Variants in ZNF433 observed in about 807,000 individuals in gnomAD.
The protein encoded by ZNF433 is zinc finger protein 433.
Under a neutral mutation model 10.6 loss-of-function variants are expected in ZNF433, and 12 were observed. That is an observed-to-expected ratio of 1.13 (90% CI 0.72 to 1.83). The LOEUF is 1.83. Among genes scored for constraint, ZNF433 ranks in the 40% most tolerant of loss-of-function variants. The probability of loss-of-function intolerance (pLI) is 0.00; values close to 1 mark genes in which losing one functional copy is unlikely to be tolerated. For missense variants in ZNF433, 737 were observed against 798.0 expected, an observed-to-expected ratio of 0.92 and a Z score of 0.92; for synonymous variants, 272 against 271.3, an observed-to-expected ratio of 1.00 and a Z score of -0.02.
chr19:12,035,121 A>G (rs960552643), intron 1 of ZNF433, among the ~76,000 whole-genome samples: 5 of 152,190 alleles, frequency 3.3e-5, no homozygotes, highest in South Asian at 2.1e-4. Flanking sequence ...AAGCAAAACT[A>G]TAATTGTTAA....
At chr19:12,030,037 G>A (rs992545864) in intron 1 of ZNF433, 15 of 246,906 alleles carry the variant, frequency 6.1e-5, no homozygotes, top group Admixed American at 2.7e-4. Context: ...AGCCGAGATC[G>A]CACCACTGCA....
Position 12,016,586 on chromosome 19 carries a change from A to C in ZNF433, c.272T>G (p.Leu91Arg). Residue 91 changes from leucine to arginine, a missense_variant, in exon 4 of 4, where the codon CTG (leucine) becomes CGG (arginine). Physicochemically the swap from Leu to Arg is moderately radical, Grantham distance 102 (BLOSUM62 -2). Transcript: ENST00000550507. Reference protein sequence around the residue: ...EILTQVPDDMLKKTTTGVKSC... With the variant: ...EILTQVPDDMRKKTTTGVKSC... ...TTTTACTCCAGTAGTTGTTTTCTTC[A>C]GCATGTCATCTGGAACCTGGGTCAA... 6.2e-7 allele frequency: 1 copy of C among 1,614,124 alleles called. No individual in the cohort carries two copies. The highest frequency in any genetic ancestry group is 8.5e-7 in the Non-Finnish European group (1 of 1,180,032).
chr19:12,015,285 G>C lies in ZNF433; in HGVS notation c.1573C>G (p.His525Asp). The C allele has an allele frequency of 6.2e-7, 1 of 1,614,094 alleles. No homozygotes were observed. Among genetic ancestry groups the C allele is most frequent in the Non-Finnish European group, 8.5e-7 (1 of 1,180,018 alleles). The part of the protein sequence containing the change: ...SSSFRYHGRT[H>D]TGEKPYECKQ... ...CATTCATAGGGTTTCTCTCCAGTGT[G>C]AGTCCTTCCATGATATCGAAAGGAG... Residue 525 changes from histidine (H) to aspartate (D), a missense_variant, in exon 4 of 4, where the codon CAC becomes GAC. His to Asp is a moderately conservative substitution (Grantham distance 81). Transcript: ENST00000550507.
chr19:12,018,521 G>A lies in ZNF433; in HGVS notation c.4-229C>T, dbSNP rs886074854. 1.5e-4 allele frequency: 58 copies of A among 397,770 alleles called. No individual in the cohort carries two copies. In the Middle Eastern group the frequency reaches 1.5e-3, roughly 10 times the overall value. 24.6% of individuals were successfully genotyped at this position (397,770 alleles called of 1,614,324 possible). A position where few individuals can be genotyped will look rare whatever the true frequency, so the allele number is the denominator to read the frequency against. On this transcript the variant is annotated intron_variant, in intron 1 of 3. Transcript: ENST00000550507. ...GTAGAATAGGAAAATGTGTATTTTT[G>A]GTAAATCCAGAAAGGTGTGCTGCCT...
At chr19:12,022,023 C>T (rs1418284388) in intron 1 of ZNF433, 2 of 455,512 alleles carry the variant, frequency 4.4e-6, no homozygotes, top group African/African-American at 4.0e-5. Flanking sequence ...AACAGGCCCC[C>T]AAATCTGGCC....
intron 1 of ZNF433, chr19:12,024,985 T>G (rs771610362): frequency 1.3e-5 from 2 of 152,248 alleles, no homozygotes; most frequent in Non-Finnish European, 2.9e-5. Flanking sequence ...ATCATTTTCC[T>G]AAAAGAAAAC....
At chr19:12,032,584 A>G (rs1975088762) in intron 1 of ZNF433, among the ~76,000 whole-genome samples, 1 of 151,930 alleles carries the variant, frequency 6.6e-6, no homozygotes, top group Admixed American at 6.6e-5. Context: ...CCCAGGTTCA[A>G]GGGATTCTCG....
At position 12,014,771 on chromosome 19, in the gene ZNF433, A is replaced by G. The variant is rs953778378; in HGVS notation, c.*74T>C. Reference sequence around the variant, plus strand: ...TATTTAATTTTTATAACAGAGTCTCACTATGTTGCCCAGGCTGGTCTTGAA... The same window carrying G: ...TATTTAATTTTTATAACAGAGTCTCGCTATGTTGCCCAGGCTGGTCTTGAA... On this transcript the variant is annotated 3_prime_UTR_variant, in exon 4 of 4. Coordinates refer to ENST00000550507, the MANE Select transcript of ZNF433 (RefSeq NM_001308348.2). The G allele has an allele frequency of 2.8e-6, 3 of 1,086,810 alleles. No individual in the cohort carries two copies. The highest frequency in any genetic ancestry group is 3.9e-6 in the Non-Finnish European group (3 of 776,088). The allele number at this position is 1,086,810 out of a possible 1,614,324, so 67.3% of individuals were successfully genotyped here. A position where few individuals can be genotyped will look rare whatever the true frequency, so the allele number is the denominator to read the frequency against.
chr19:12,030,544 G>C (rs1004803404), intron 1 of ZNF433, among the ~76,000 whole-genome samples: 1 of 152,056 alleles, frequency 6.6e-6, no homozygotes. Context: ...TAAGTCACCC[G>C]GTTTATGGGA....
intron 3 of ZNF433, among the ~76,000 whole-genome samples, chr19:12,017,471 G>A (rs1339484711): frequency 6.6e-6 from 1 of 152,172 alleles, no homozygotes; most frequent in Non-Finnish European, 1.5e-5. Context: ...CCAAAGTGCT[G>A]GGATTACAGG....
chr19:12,030,142 G>A (rs1262952792), intron 1 of ZNF433: 1 of 429,654 alleles, frequency 2.3e-6, no homozygotes, highest in South Asian at 1.7e-5. Flanking sequence ...GCTCTTACCA[G>A]GCACCAGATC....
At position 12,035,652 on chromosome 19, in the gene ZNF433, A is replaced by G. The variant is rs1975259546; in HGVS notation, c.-113T>C. On this transcript the variant is annotated 5_prime_UTR_variant, in exon 1 of 4. Transcript: ENST00000550507. ...AGGGGAAAGCCAGGCTCCCAACCTC[A>G]GCTCGCCGCCTGGAGCCGGGAACCG... 1.4e-6 allele frequency: 2 copies of G among 1,435,078 alleles called. No homozygotes were observed. The highest frequency in any genetic ancestry group is 2.5e-5 in the South Asian group (2 of 78,534). 88.9% of individuals were successfully genotyped at this position (1,435,078 alleles called of 1,614,324 possible).
chr19:12,029,517 G>C (rs1274041555), intron 1 of ZNF433, among the ~76,000 whole-genome samples: 2 of 63,392 alleles, frequency 3.2e-5, no homozygotes, highest in African/African-American at 1.5e-4. Context: ...GCAAGACTCT[G>C]TCTCAAAAAA....
rs181673188 is a variant in ZNF433, at chr19:12,031,268, C to T, written c.3+4269G>A. Among the ~76,000 whole-genome samples the T allele has an allele frequency of 2.6e-4, 34 of 130,626 alleles. No homozygotes were observed. The East Asian group carries it at 5.7e-3, about 22-fold the overall frequency. 85.7% of individuals were successfully genotyped at this position (130,626 alleles called of 152,430 possible). ...CAGAGATTGCGCCACTGCACTCCAGCTTGTTGATAGAGTGAGACTCCATCT... is the reference window on the plus strand; with the variant it reads ...CAGAGATTGCGCCACTGCACTCCAGTTTGTTGATAGAGTGAGACTCCATCT... On this transcript the variant is annotated intron_variant, in intron 1 of 3. Coordinates refer to ENST00000550507, the MANE Select transcript of ZNF433 (RefSeq NM_001308348.2).
chr19:12,021,720 A>T lies in ZNF433; in HGVS notation c.4-3428T>A, dbSNP rs76151643. 7.1e-3 allele frequency among the ~76,000 whole-genome samples: 1,087 copies of T among 152,264 alleles called. 9 individuals carry two copies. Among genetic ancestry groups the T allele is most frequent in the South Asian group, 0.02 (96 of 4,816 alleles). ...TATAAGAGATAGGGACTTAGACTGG[A>T]GACTCTGCTTCAGAAATCTAGAATG... is the stretch of plus-strand genomic sequence containing the variant. On this transcript the variant is annotated intron_variant, in intron 1 of 3. Coordinates refer to ENST00000550507, the MANE Select transcript of ZNF433 (RefSeq NM_001308348.2).
intron 1 of ZNF433, chr19:12,021,929 C>T (rs1203541605): frequency 2.2e-6 from 1 of 456,930 alleles, no homozygotes; most frequent in East Asian, 7.0e-5. Context: ...GTAGAGCTTA[C>T]CTCCTGCAGT....
intron 1 of ZNF433, chr19:12,024,790 T>TCTTA (rs1160730086): frequency 3.3e-5 from 5 of 152,222 alleles, no homozygotes; most frequent in Admixed American, 6.5e-5. Flanking sequence ...ACTCATGGAC[T>TCTTA]CTTAACTCCT....
Position 12,016,350 on chromosome 19 carries a change from C to T in ZNF433, c.508G>A (p.Glu170Lys). The T allele has an allele frequency of 1.2e-6, 2 of 1,614,200 alleles. No individual in the cohort carries two copies. The highest frequency in any genetic ancestry group is 2.2e-5 in the South Asian group (2 of 91,088). ...GAAATAAATGTTTTTCCGCATTCCT[C>T]ACAAACATAGAGTTTCCTTCCACTA... ...AHSGRKLYVC[E>K]ECGKTFISHS... The change falls in exon 4 of 4, where the codon GAG becomes AAG. Residue 170 changes from glutamate to lysine, a missense_variant. Glu to Lys is a moderately conservative substitution (Grantham distance 56). Transcript: ENST00000550507.
intron 1 of ZNF433, chr19:12,025,889 C>T (rs279171): frequency 0.18 from 27,276 of 152,410 alleles, 6,063 homozygotes; most frequent in African/African-American, 0.53. Context: ...GCATTCCATA[C>T]AATTCTCAAG....
Sources: allele counts gnomAD v4.1 joint callset (sites outside exome capture counted in the v4.1 genomes callset), GRCh38; gene constraint gnomAD v4.1.1; transcripts MANE v1.5; gene names NCBI Gene and HGNC (gene_info 2026-07-23, HGNC 2026-07-21).